The following ZNF804B variants were observed in gnomAD, a reference collection of about 807,000 sequenced individuals.
ZNF804B encodes the protein zinc finger 804B.
A neutral mutation model predicts 101.4 loss-of-function variants in ZNF804B; 80 were observed. The ratio of observed to expected loss-of-function variants is 0.79; its 90% CI spans 0.66 to 0.95. ZNF804B has a LOEUF of 0.95. ZNF804B is among the 40% of genes least tolerant of loss of function. The pLI, the probability that ZNF804B is intolerant of heterozygous loss-of-function variation, is 0.00. For missense variants in ZNF804B, 1,673 were observed against 1,561.9 expected, an observed-to-expected ratio of 1.07 and a Z score of -1.20; for synonymous variants, 622 against 558.8, an observed-to-expected ratio of 1.11 and a Z score of -1.59.
chr7:88,924,914 GT>G (rs1031099628), intron 1 of ZNF804B, among the ~76,000 whole-genome samples: 1 of 152,034 alleles, frequency 6.6e-6, no homozygotes, highest in Non-Finnish European at 1.5e-5. Context: ...TAAATAATTT[GT>G]TTTTTGTTTT....
chr7:89,019,772 T>C (rs1254327362), intron 1 of ZNF804B, among the ~76,000 whole-genome samples: 6 of 152,072 alleles, frequency 3.9e-5, no homozygotes, highest in Non-Finnish European at 7.4e-5. Flanking sequence ...TGTTTTAGTA[T>C]AGCTACTTTT....
chr7:88,904,408 A>G (rs997121617), intron 1 of ZNF804B, among the ~76,000 whole-genome samples: 2 of 152,036 alleles, frequency 1.3e-5, no homozygotes, highest in African/African-American at 4.8e-5. Context: ...TTTTAATACT[A>G]TTGCTTAGGA....
intron 1 of ZNF804B, among the ~76,000 whole-genome samples, chr7:89,151,969 T>G (rs1377464200): frequency 6.6e-6 from 1 of 152,090 alleles, no homozygotes; most frequent in Non-Finnish European, 1.5e-5. Context: ...GTTGGGCTTT[T>G]TTGGCATCAA....
intron 2 of ZNF804B, among the ~76,000 whole-genome samples, chr7:89,260,911 A>T (rs745744956): frequency 6.6e-6 from 1 of 152,154 alleles, no homozygotes; most frequent in Admixed American, 6.6e-5. Flanking sequence ...GGCACTTCAT[A>T]TGGGTTCGAT....
intron 1 of ZNF804B, among the ~76,000 whole-genome samples, chr7:88,928,414 A>G (rs1792837251): frequency 6.6e-6 from 1 of 152,170 alleles, no homozygotes; most frequent in Non-Finnish European, 1.5e-5. Context: ...TTTAGCTACC[A>G]GCTGTGCAAG....
intron 1 of ZNF804B, among the ~76,000 whole-genome samples, chr7:88,798,821 C>A (rs1586907778): frequency 6.6e-6 from 1 of 152,186 alleles, no homozygotes; most frequent in Middle Eastern, 3.4e-3. Context: ...GTGCCACAAT[C>A]CTTATGTGCC....
intron 1 of ZNF804B, among the ~76,000 whole-genome samples, chr7:89,194,419 T>G (rs898336828): frequency 1.3e-5 from 2 of 150,644 alleles, no homozygotes; most frequent in African/African-American, 4.9e-5. Flanking sequence ...ATGCCTAGGT[T>G]TTCTTCTAGG....
chr7:88,856,722 A>T (rs1437747799), intron 1 of ZNF804B, among the ~76,000 whole-genome samples: 5 of 152,150 alleles, frequency 3.3e-5, no homozygotes, highest in Non-Finnish European at 7.4e-5. Context: ...TTGCCCATTC[A>T]GTATGATATT....
chr7:89,273,146 C>T (rs1335731933), intron 2 of ZNF804B, among the ~76,000 whole-genome samples: 1 of 152,038 alleles, frequency 6.6e-6, no homozygotes, highest in Admixed American at 6.6e-5. Context: ...ATGCACAACC[C>T]TTCAAAAGTA....
At chr7:89,036,268 G>A (rs1788926115) in intron 1 of ZNF804B, among the ~76,000 whole-genome samples, 1 of 151,384 alleles carries the variant, frequency 6.6e-6, no homozygotes, top group African/African-American at 2.4e-5. Flanking sequence ...TCCATGAAAA[G>A]AGAAAAGAAT....
At chr7:89,066,125 T>C (rs1789451644) in intron 1 of ZNF804B, among the ~76,000 whole-genome samples, 1 of 152,114 alleles carries the variant, frequency 6.6e-6, no homozygotes, top group Non-Finnish European at 1.5e-5. Context: ...GGTTTGGTAG[T>C]GTTGGATAGT....
intron 1 of ZNF804B, chr7:88,794,806 A>G (rs776363216): frequency 1.9e-6 from 3 of 1,613,818 alleles, no homozygotes; most frequent in Non-Finnish European, 2.5e-6. Context: ...CCTATCAAGA[A>G]GGAATTTCTT....
intron 1 of ZNF804B, among the ~76,000 whole-genome samples, chr7:88,936,875 C>T (rs184116120): frequency 5.3e-5 from 8 of 151,832 alleles, no homozygotes; most frequent in East Asian, 3.9e-4. Context: ...CTCAGCATGC[C>T]GAAGCACCAT....
intron 1 of ZNF804B, among the ~76,000 whole-genome samples, chr7:89,167,521 T>G (rs1191271634): frequency 6.6e-6 from 1 of 152,040 alleles, no homozygotes; most frequent in African/African-American, 2.4e-5. Context: ...TGTTCAGGAG[T>G]CAACTGTATT....
chr7:88,978,830 C>T (rs1054827565), intron 1 of ZNF804B, among the ~76,000 whole-genome samples: 11 of 138,628 alleles, frequency 7.9e-5, no homozygotes, highest in South Asian at 2.7e-4. Flanking sequence ...CTCCTTCCTT[C>T]CTTCTTTCCT....
At chr7:88,883,751 T>G (rs747283881) in intron 1 of ZNF804B, among the ~76,000 whole-genome samples, 5 of 151,996 alleles carry the variant, frequency 3.3e-5, no homozygotes, top group Non-Finnish European at 7.4e-5. Flanking sequence ...ATGAGGCAAT[T>G]CCGATTTGTG....
rs373687030 is a variant in ZNF804B at position 88,977,086 on chromosome 7, C to T, written c.108+217002C>T. The stretch of plus-strand genomic sequence containing the variant: ...TCTTACATTACTGCGATAGATCTCA[C>T]TTGGTCCTGATGAAGGACCTTTTTA... On this transcript the variant is annotated intron_variant, in intron 1 of 3. Transcript: ENST00000333190. Among the ~76,000 whole-genome samples, 130 of 151,908 alleles carry T rather than the reference C, an allele frequency of 8.6e-4. 3 individuals are homozygous for T. In the South Asian group the frequency reaches 0.026, roughly 31 times the overall value.
intron 1 of ZNF804B, among the ~76,000 whole-genome samples, chr7:89,124,838 C>A (rs1790455920): frequency 6.6e-6 from 1 of 151,664 alleles, no homozygotes; most frequent in South Asian, 2.1e-4. Context: ...ACTTTAAAGA[C>A]CTTGATGAAA....
At chr7:89,003,402 T>C (rs1315942129) in intron 1 of ZNF804B, among the ~76,000 whole-genome samples, 1 of 151,964 alleles carries the variant, frequency 6.6e-6, no homozygotes, top group Admixed American at 6.6e-5. Context: ...AAGTTCAGAA[T>C]GCACAGTGGG....
Sources: allele counts gnomAD v4.1 joint callset (sites outside exome capture counted in the v4.1 genomes callset), GRCh38; gene constraint gnomAD v4.1.1; transcripts MANE v1.5; gene names NCBI Gene and HGNC (gene_info 2026-07-23, HGNC 2026-07-21).